Variants in RAB40C observed in about 807,000 individuals in gnomAD.
RAB40C encodes the protein RAB40C, member RAS oncogene family.
Under a neutral mutation model 28.1 loss-of-function variants are expected in RAB40C, and 8 were observed. The ratio of observed to expected loss-of-function variants is 0.28; its 90% CI spans 0.17 to 0.51. RAB40C has a LOEUF of 0.51. RAB40C is among the 20% of genes least tolerant of loss of function. The pLI, the probability that RAB40C is intolerant of heterozygous loss-of-function variation, is 0.97. For missense variants in RAB40C, 288 were observed against 405.9 expected (o/e 0.71, Z 2.50); for synonymous variants, 201 against 171.7 (o/e 1.17, Z -1.34).
At chr16:601,968 A>G (rs2036261795) in intron 1 of RAB40C, among the ~76,000 whole-genome samples, 1 of 152,036 alleles carries the variant, frequency 6.6e-6, no homozygotes, top group Admixed American at 6.6e-5. Flanking sequence ...TCTACTGAAA[A>G]TATAAAAGTT....
chr16:602,793 C>T (rs1055310020), intron 1 of RAB40C, among the ~76,000 whole-genome samples: 1 of 152,162 alleles, frequency 6.6e-6, no homozygotes, highest in African/African-American at 2.4e-5. Flanking sequence ...TGGTCTTGAA[C>T]TCCTGGGCTC....
intron 3 of RAB40C, chr16:624,672 G>A: frequency 1.0e-6 from 1 of 985,460 alleles, no homozygotes; most frequent in Non-Finnish European, 1.2e-6. Context: ...GGAGTAGGGT[G>A]GATCACAGCT....
chr16:597,539 G>A (rs976955822), intron 1 of RAB40C, among the ~76,000 whole-genome samples: 1 of 149,656 alleles, frequency 6.7e-6, no homozygotes, highest in South Asian at 2.1e-4. Flanking sequence ...GGTGTAGTTC[G>A]ATGGCACTAT....
At chr16:620,605 T>C (rs12935215) in intron 3 of RAB40C, among the ~76,000 whole-genome samples, 62,000 of 134,908 alleles carry the variant, frequency 0.46, 14,958 homozygotes, top group East Asian at 0.65. Context: ...CAGGCTCCAC[T>C]GCGGGCATCC....
At chr16:613,296 G>A (rs1489064037) in intron 1 of RAB40C, among the ~76,000 whole-genome samples, 2 of 151,438 alleles carry the variant, frequency 1.3e-5, no homozygotes, top group African/African-American at 2.4e-5. Context: ...GCCCTTGCTT[G>A]TAGAATCAAG....
At chr16:614,288 G>T (rs1232747336) in intron 1 of RAB40C, among the ~76,000 whole-genome samples, 34 of 142,182 alleles carry the variant, frequency 2.4e-4, no homozygotes, top group Non-Finnish European at 4.6e-4. Flanking sequence ...ACCACATCCC[G>T]ATGGTGAACT....
chr16:605,077 C>T (rs1270754633), intron 1 of RAB40C, among the ~76,000 whole-genome samples: 1 of 151,918 alleles, frequency 6.6e-6, no homozygotes, highest in Non-Finnish European at 1.5e-5. Context: ...AATAAATTAG[C>T]CTGGTGTGGT....
At chr16:594,157 T>C (rs1038535696) in intron 1 of RAB40C, among the ~76,000 whole-genome samples, 7 of 152,194 alleles carry the variant, frequency 4.6e-5, no homozygotes, top group Non-Finnish European at 8.8e-5. Context: ...CCCACAAACC[T>C]TCCTGGGAGC....
intron 1 of RAB40C, among the ~76,000 whole-genome samples, chr16:606,033 T>C (rs8050792): frequency 0.46 from 70,613 of 152,146 alleles, 16,782 homozygotes; most frequent in East Asian, 0.64. Context: ...TAGTTTGGAT[T>C]CAGTTTATTT....
In RAB40C at chr16:610,664, C is replaced by T. The variant is rs946151446; in HGVS notation, c.143-6544C>T. On this transcript the variant is annotated intron_variant, in intron 1 of 5. Coordinates refer to ENST00000248139, the MANE Select transcript of RAB40C (RefSeq NM_021168.5). The surrounding 1 kb of genome is among the most constrained non-coding windows in gnomAD (Gnocchi z 4.6). Reference sequence around the variant, plus strand: ...CCGGAGCCCACTGCCCCTGCCCCTGCGCCGTCCCCCAGCGCGGGCTCCAGG... The same window carrying T: ...CCGGAGCCCACTGCCCCTGCCCCTGTGCCGTCCCCCAGCGCGGGCTCCAGG... Among the ~76,000 whole-genome samples, 7 of 152,156 alleles carry T rather than the reference C, an allele frequency of 4.6e-5. No individual in the cohort carries two copies. Among genetic ancestry groups the T allele is most frequent in the Non-Finnish European group, 4.4e-5 (3 of 68,032 alleles).
At chr16:615,811 A>T (rs12932411) in intron 1 of RAB40C, among the ~76,000 whole-genome samples, 1 of 151,860 alleles carries the variant, frequency 6.6e-6, no homozygotes, top group African/African-American at 2.4e-5. Flanking sequence ...AAATTATAAA[A>T]ATTAGCCGGC....
chr16:624,933 C>A lies in RAB40C; in HGVS notation c.265-499C>A, dbSNP rs1596417666. The A allele has an allele frequency of 3.1e-6, 4 of 1,287,926 alleles. No homozygotes were observed. In the East Asian group the frequency reaches 2.2e-4, roughly 72 times the overall value. 79.8% of individuals were successfully genotyped at this position (1,287,926 alleles called of 1,614,324 possible). On this transcript the variant is annotated intron_variant, in intron 3 of 5. Transcript: ENST00000248139. The stretch of plus-strand genomic sequence containing the variant: ...GTGGCAAAAAGTCCCCGTGGCAAAA[C>A]CTGCTCTGCCTGGCTGGGGGAGCTT...
At chr16:595,025 G>A (rs1450102017) in intron 1 of RAB40C, among the ~76,000 whole-genome samples, 2 of 152,036 alleles carry the variant, frequency 1.3e-5, no homozygotes, top group Admixed American at 6.5e-5. Context: ...CACCATGTTG[G>A]CTAGGCTGGT....
rs536454719 is a variant in RAB40C at position 622,746 on chromosome 16, C to T, written c.265-2686C>T. On this transcript the variant is annotated intron_variant, in intron 3 of 5. Transcript: ENST00000248139. ...GTCTCCATCTCTTGACCTCGTGATCCGCCTGCCTCGGCCTCCCAAAGTGCT... is the reference window on the plus strand; with the variant it reads ...GTCTCCATCTCTTGACCTCGTGATCTGCCTGCCTCGGCCTCCCAAAGTGCT... Among the ~76,000 whole-genome samples the T allele has an allele frequency of 4.6e-5, 7 of 152,186 alleles. No individual in the cohort carries two copies. The South Asian group carries it at 1.0e-3, about 23-fold the overall frequency.
At chr16:619,519 T>G (rs1345854094) in intron 3 of RAB40C, among the ~76,000 whole-genome samples, 1 of 152,194 alleles carries the variant, frequency 6.6e-6, no homozygotes, top group Non-Finnish European at 1.5e-5. Context: ...GTGAAGCCCA[T>G]GTAAACAGAC....
chr16:623,973 G>C, intron 3 of RAB40C: 3 of 985,406 alleles, frequency 3.0e-6, no homozygotes, highest in Non-Finnish European at 3.6e-6. Flanking sequence ...GCTGGGACCT[G>C]CGTTCTTACC....
intron 5 of RAB40C, among the ~76,000 whole-genome samples, 154 bp from the exon 6 acceptor site, chr16:627,188 G>T (rs2036856550): frequency 6.6e-6 from 1 of 152,208 alleles, no homozygotes; most frequent in Non-Finnish European, 1.5e-5. Flanking sequence ...GCTGGGCAGA[G>T]AAGTTTGGGC....
rs141907535 is a variant in RAB40C, at chr16:627,708, G to C, written c.*86G>C. The C allele has an allele frequency of 8.4e-6, 12 of 1,426,280 alleles. No individual in the cohort carries two copies. Among genetic ancestry groups the C allele is most frequent in the Non-Finnish European group, 1.1e-5 (12 of 1,071,708 alleles). 88.4% of individuals were successfully genotyped at this position (1,426,280 alleles called of 1,614,324 possible). A position where few individuals can be genotyped will look rare whatever the true frequency, so the allele number is the denominator to read the frequency against. On this transcript the variant is annotated 3_prime_UTR_variant, in exon 6 of 6. Coordinates refer to ENST00000248139, the MANE Select transcript of RAB40C (RefSeq NM_021168.5). Reference sequence around the variant, plus strand: ...TGGACGCCAGGCCAGTGCCGCCTACGTGGAGACTGTCCACACAGCTGCCTC... The same window carrying C: ...TGGACGCCAGGCCAGTGCCGCCTACCTGGAGACTGTCCACACAGCTGCCTC...
intron 1 of RAB40C, among the ~76,000 whole-genome samples, chr16:590,701 G>C (rs188205189): frequency 6.6e-6 from 1 of 152,218 alleles, no homozygotes; most frequent in East Asian, 1.9e-4. Context: ...GGTGTCACGG[G>C]TCCGGGATCT....
Sources: allele counts gnomAD v4.1 joint callset (sites outside exome capture counted in the v4.1 genomes callset), GRCh38; gene constraint gnomAD v4.1.1; non-coding constraint Gnocchi (gnomAD v3.1); transcripts MANE v1.5; gene names NCBI Gene and HGNC (gene_info 2026-07-23, HGNC 2026-07-21).